MEIS2: variants seen among roughly 807,000 people sequenced by gnomAD.
The protein encoded by MEIS2 is homeobox protein Meis2.
A neutral mutation model predicts 58.6 loss-of-function variants in MEIS2; 9 were observed. The ratio of observed to expected loss-of-function variants is 0.15; its 90% confidence interval spans 0.09 to 0.27. The LOEUF (loss-of-function observed/expected upper bound fraction) is 0.27, where lower values mean the gene tolerates loss of function less well. Among genes scored for constraint, MEIS2 ranks in the 10% least tolerant of loss-of-function variants. MEIS2 has a pLI of 1.00. For synonymous variants in MEIS2, 221 were observed against 228.4 expected (o/e 0.97, Z 0.29); for missense variants, 427 against 635.0 (o/e 0.67, Z 3.52).
intron 9 of MEIS2, chr15:36,896,942 A>G: frequency 2.6e-6 from 1 of 382,770 alleles, no homozygotes. Context: ...GAAAGCTTCT[A>G]TTAACTTCAA....
intron 10 of MEIS2, among the ~76,000 whole-genome samples, chr15:36,896,304 G>A (rs1011284432): frequency 6.6e-6 from 1 of 152,226 alleles, no homozygotes; most frequent in African/African-American, 2.4e-5. Context: ...ACAGAAAAAT[G>A]AGAGTGTGCT....
chr15:36,981,417 A>T (rs1164468133), intron 8 of MEIS2, among the ~76,000 whole-genome samples: 7 of 151,118 alleles, frequency 4.6e-5, no homozygotes, highest in African/African-American at 1.7e-4. Context: ...TTTATTTTTT[A>T]TTTTTTTCCT....
intron 9 of MEIS2, among the ~76,000 whole-genome samples, chr15:36,904,948 T>TA: frequency 6.6e-6 from 1 of 152,184 alleles, no homozygotes; most frequent in East Asian, 1.9e-4. Flanking sequence ...AGAGATGCCC[T>TA]ATCAACCAAG....
chr15:37,080,446 A>G (rs1441695688), intron 7 of MEIS2, among the ~76,000 whole-genome samples: 2 of 152,260 alleles, frequency 1.3e-5, no homozygotes, highest in East Asian at 3.9e-4. Context: ...CAATAATAAT[A>G]ATACTTTGTA....
intron 7 of MEIS2, among the ~76,000 whole-genome samples, chr15:37,052,289 A>G (rs2062954116): frequency 6.6e-6 from 1 of 152,238 alleles, no homozygotes; most frequent in South Asian, 2.1e-4. Flanking sequence ...TGGACTGTCT[A>G]CTACATGCCA....
chr15:37,007,793 T>C (rs1365942344), intron 8 of MEIS2, among the ~76,000 whole-genome samples: 1 of 152,234 alleles, frequency 6.6e-6, no homozygotes, highest in African/African-American at 2.4e-5. Context: ...CCATAAGCCT[T>C]TGCTATGTTA....
At chr15:36,914,596 G>A (rs575922601) in intron 9 of MEIS2, among the ~76,000 whole-genome samples, 1 of 152,286 alleles carries the variant, frequency 6.6e-6, no homozygotes, top group South Asian at 2.1e-4. Context: ...GATTCTGAGA[G>A]GCCTGGAGAA....
chr15:36,925,596 T>C (rs923137238), intron 9 of MEIS2, among the ~76,000 whole-genome samples: 1 of 152,246 alleles, frequency 6.6e-6, no homozygotes, highest in East Asian at 1.9e-4. Context: ...GTCTGTGCAG[T>C]AATCCTCTGC....
chr15:37,017,273 C>G, intron 8 of MEIS2, among the ~76,000 whole-genome samples: 2 of 152,216 alleles, frequency 1.3e-5, no homozygotes, highest in Middle Eastern at 6.8e-3. Context: ...GTAAAGGAGA[C>G]GAAATGGCTA....
In MEIS2 at chr15:37,093,589, C is replaced by T. The variant is rs566632679; in HGVS notation, c.631G>A (p.Ala211Thr). The T allele has an allele frequency of 3.9e-5, 63 of 1,614,082 alleles. No homozygotes were observed. The South Asian group carries it at 4.9e-4, about 13-fold the overall frequency. The change falls in exon 6 of 12, where the codon GCT becomes ACT. Residue 211 changes from alanine (A) to threonine (T), a missense_variant. Transcript: ENST00000561208. ...AAGGCTAGCAGACTTACATGGTCAG[C>T]GAGATTTGTGGAGGAGCCTGAAAGT... ...EELSGSSTNL[A>T]DHNPSSWRDH...
chr15:36,896,489 G>C (rs17510982), intron 10 of MEIS2, 139 bp downstream of exon 10: 9,819 of 564,348 alleles, frequency 0.017, 212 homozygotes, highest in East Asian at 0.085. Context: ...TCCTTGAGTG[G>C]GATTCTGGGG....
intron 8 of MEIS2, among the ~76,000 whole-genome samples, chr15:37,033,495 A>G (rs1595972743): frequency 6.6e-6 from 1 of 152,356 alleles, no homozygotes; most frequent in African/African-American, 2.4e-5. Flanking sequence ...TTATTGTAAT[A>G]CAAGAACAGG....
intron 8 of MEIS2, among the ~76,000 whole-genome samples, chr15:37,003,272 G>C (rs569409604): frequency 6.6e-6 from 1 of 152,152 alleles, no homozygotes; most frequent in African/African-American, 2.4e-5. Flanking sequence ...TTCTCAGAAA[G>C]CTGAAAGCTT....
At chr15:36,967,536 C>G (rs2059396082) in intron 8 of MEIS2, among the ~76,000 whole-genome samples, 1 of 152,172 alleles carries the variant, frequency 6.6e-6, no homozygotes, top group Non-Finnish European at 1.5e-5. Context: ...AGCAAGTACA[C>G]AAGACATCAA....
intron 6 of MEIS2, among the ~76,000 whole-genome samples, chr15:37,084,545 A>C (rs1400126055): frequency 6.6e-6 from 1 of 151,920 alleles, no homozygotes; most frequent in African/African-American, 2.4e-5. Flanking sequence ...TAAAAAAAGG[A>C]AACATGTGTG....
chr15:37,006,304 G>A (rs1414587731), intron 8 of MEIS2, among the ~76,000 whole-genome samples: 1 of 152,152 alleles, frequency 6.6e-6, no homozygotes, highest in Non-Finnish European at 1.5e-5. Context: ...ATTAAGCCAT[G>A]GCCTGGCAGT....
chr15:37,010,181 G>T (rs1474393574), intron 8 of MEIS2, among the ~76,000 whole-genome samples: 1 of 151,844 alleles, frequency 6.6e-6, no homozygotes, highest in Non-Finnish European at 1.5e-5. Flanking sequence ...TCTGCATCCT[G>T]GGTTCACGCC....
chr15:37,036,743 A>C, intron 8 of MEIS2, 71 bp downstream of exon 8: 2 of 1,452,814 alleles, frequency 1.4e-6, no homozygotes, highest in South Asian at 3.0e-5. Context: ...AAAAAAAATC[A>C]GTATGAGACC....
At position 36,902,412 on chromosome 15, in the gene MEIS2, GGGTGGGA is replaced by G. The variant is rs534142627; in HGVS notation, c.978-5733_978-5727del. ...CACTGGGGCAGGCATCTGCCTGCAGGGGTGGGAGGTGGATAGGGGAGTGAGCTCTTTT... is the reference window on the plus strand; with the variant it reads ...CACTGGGGCAGGCATCTGCCTGCAGGGGTGGATAGGGGAGTGAGCTCTTTT... On this transcript the variant is annotated intron_variant, in intron 9 of 11. Coordinates refer to ENST00000561208, the MANE Select transcript of MEIS2 (RefSeq NM_170675.5). 1.6e-3 allele frequency among the ~76,000 whole-genome samples: 246 copies of G among 152,308 alleles called. 1 individual carries two copies. Among genetic ancestry groups the G allele is most frequent in the Non-Finnish European group, 3.0e-3 (202 of 68,022 alleles).
Sources: allele counts gnomAD v4.1 joint callset (sites outside exome capture counted in the v4.1 genomes callset), GRCh38; gene constraint gnomAD v4.1.1; transcripts MANE v1.5; gene names NCBI Gene and HGNC (gene_info 2026-07-23, HGNC 2026-07-21).